CADPS2: variants seen among roughly 807,000 people sequenced by gnomAD.
CADPS2 encodes calcium dependent secretion activator 2, also known as calcium-dependent secretion activator 2.
A neutral mutation model predicts 172.5 loss-of-function variants in CADPS2; 93 were observed. The observed-to-expected ratio is 0.54, with a 90% confidence interval of 0.46 to 0.64. The LOEUF (loss-of-function observed/expected upper bound fraction) is 0.64. Ranked by LOEUF, CADPS2 falls within the 30% of genes least tolerant of loss-of-function variation. The pLI, the probability that CADPS2 is intolerant of heterozygous loss-of-function variation, is 0.00. For synonymous variants in CADPS2, 546 were observed against 555.2 expected (o/e 0.98, Z 0.23); for missense variants, 1,420 against 1,565.9 (o/e 0.91, Z 1.57).
chr7:122,396,795 C>T (rs761235914), intron 20 of CADPS2, among the ~76,000 whole-genome samples: 1 of 152,156 alleles, frequency 6.6e-6, no homozygotes, highest in Admixed American at 6.5e-5. Flanking sequence ...TCTTCTCCTG[C>T]TGACATATTT....
chr7:122,618,310 CTAGGCACTGTT>C (rs2075199061), intron 5 of CADPS2, among the ~76,000 whole-genome samples: 1 of 152,098 alleles, frequency 6.6e-6, no homozygotes, highest in African/African-American at 2.4e-5. Context: ...CAATTGTGTG[CTAGGCACTGTT>C]TAGGCACTTT....
At chr7:122,799,405 C>T (rs1290893061) in intron 1 of CADPS2, among the ~76,000 whole-genome samples, 1 of 151,896 alleles carries the variant, frequency 6.6e-6, no homozygotes, top group Non-Finnish European at 1.5e-5. Context: ...CGAGACCATC[C>T]TGGCTAACAC....
intron 1 of CADPS2, among the ~76,000 whole-genome samples, chr7:122,828,897 G>C (rs1805705526): frequency 6.6e-6 from 1 of 152,084 alleles, no homozygotes; most frequent in Non-Finnish European, 1.5e-5. Context: ...TTGAGTCTGG[G>C]GGAACAGAAT....
intron 2 of CADPS2, among the ~76,000 whole-genome samples, chr7:122,691,568 G>C (rs948522165): frequency 6.6e-6 from 1 of 152,192 alleles, no homozygotes; most frequent in African/African-American, 2.4e-5. Flanking sequence ...AAATCTGCAA[G>C]AGAACCAGAG....
At chr7:122,762,010 A>AT (rs1308071806) in intron 1 of CADPS2, among the ~76,000 whole-genome samples, 23 of 78,168 alleles carry the variant, frequency 2.9e-4, no homozygotes, top group African/African-American at 1.0e-3. Flanking sequence ...AAAAAAAAAA[A>AT]AAAATATATA....
intron 27 of CADPS2, among the ~76,000 whole-genome samples, chr7:122,349,922 C>T (rs947468007): frequency 6.6e-6 from 1 of 152,164 alleles, no homozygotes; most frequent in Admixed American, 6.5e-5. Context: ...AGCTGCTTAA[C>T]CTTCCACTGA....
chr7:122,509,509 A>G (rs1259798402), intron 9 of CADPS2, among the ~76,000 whole-genome samples: 2 of 152,214 alleles, frequency 1.3e-5, no homozygotes, highest in Non-Finnish European at 2.9e-5. Context: ...AGTGGCCTTC[A>G]TGAGCACAGG....
At chr7:122,657,067 T>G (rs1288084197) in intron 3 of CADPS2, among the ~76,000 whole-genome samples, 1 of 152,208 alleles carries the variant, frequency 6.6e-6, no homozygotes, top group African/African-American at 2.4e-5. Flanking sequence ...AAATAGGGAA[T>G]CCTTTCCCCA....
intron 11 of CADPS2, among the ~76,000 whole-genome samples, chr7:122,488,098 G>C (rs1395526247): frequency 1.3e-5 from 2 of 152,092 alleles, no homozygotes; most frequent in Non-Finnish European, 2.9e-5. Context: ...CTATGGAGAG[G>C]TAAGAAACAA....
intron 1 of CADPS2, among the ~76,000 whole-genome samples, chr7:122,839,607 A>C (rs192928433): frequency 0.016 from 2,368 of 152,310 alleles, 57 homozygotes; most frequent in African/African-American, 0.054. Context: ...ACCCCATCAA[A>C]AAGTGGGCAA....
chr7:122,821,212 C>T (rs906538379), intron 1 of CADPS2, among the ~76,000 whole-genome samples: 3 of 152,096 alleles, frequency 2.0e-5, no homozygotes, highest in African/African-American at 7.2e-5. Flanking sequence ...CTGTTCCTCA[C>T]CCTGATCATG....
intron 7 of CADPS2, among the ~76,000 whole-genome samples, chr7:122,569,948 A>T (rs1426502124): frequency 2.0e-4 from 29 of 146,984 alleles, no homozygotes; most frequent in Non-Finnish European, 3.4e-4. Flanking sequence ...AACCTAGGCA[A>T]TACCATTCAG....
intron 1 of CADPS2, among the ~76,000 whole-genome samples, chr7:122,806,583 G>T (rs142298513): frequency 6.6e-6 from 1 of 152,070 alleles, no homozygotes; most frequent in African/African-American, 2.4e-5. Context: ...ACAACAACCC[G>T]AATGATTTTA....
At chr7:122,659,767 T>TA (rs1166463590) in intron 3 of CADPS2, among the ~76,000 whole-genome samples, 1 of 151,508 alleles carries the variant, frequency 6.6e-6, no homozygotes. Flanking sequence ...AGGGGGAAAA[T>TA]AACACCTTAC....
Position 122,554,645 on chromosome 7 carries a change from T to C in CADPS2, c.1380A>G (p.Leu460=). 6.2e-7 allele frequency: 1 copy of C among 1,611,290 alleles called. No homozygotes were observed. The highest frequency in any genetic ancestry group is 8.5e-7 in the Non-Finnish European group (1 of 1,178,620). ...PTSNSSKSAE[L]HRMVVPKNSQ... ...TATTTTTTGGAACTACCATTCGGTG[T>C]AATTCAGCTGATTTGGAGCTATTAG... is the stretch of plus-strand genomic sequence containing the variant. Residue 460 remains leucine, a synonymous_variant, in exon 8 of 30, where the codon TTA becomes TTG. Transcript: ENST00000449022.
At chr7:122,690,179 C>T (rs536090100) in intron 2 of CADPS2, among the ~76,000 whole-genome samples, 1 of 152,174 alleles carries the variant, frequency 6.6e-6, no homozygotes, top group African/African-American at 2.4e-5. Flanking sequence ...AGCACGGATA[C>T]TAACCAGGGT....
intron 15 of CADPS2, among the ~76,000 whole-genome samples, chr7:122,450,575 G>T (rs1416377770): frequency 7.2e-6 from 1 of 139,700 alleles, no homozygotes; most frequent in African/African-American, 2.8e-5. Flanking sequence ...TGTCGTCCAG[G>T]CTGGAGTGCA....
At chr7:122,513,336 C>A in intron 8 of CADPS2, 21 bp from the exon 9 acceptor site, 1 of 1,506,830 alleles carries the variant, frequency 6.6e-7, no homozygotes, top group South Asian at 1.2e-5. Flanking sequence ...AAACAAAAGC[C>A]AAAGAATACT....
intron 2 of CADPS2, among the ~76,000 whole-genome samples, chr7:122,721,785 A>G (rs1232207534): frequency 6.6e-6 from 1 of 152,148 alleles, no homozygotes; most frequent in Non-Finnish European, 1.5e-5. Context: ...CGATGCAAAA[A>G]TCCTCAATAA....
Sources: gnomAD v4.1 joint callset for allele counts (sites outside exome capture counted in the v4.1 genomes callset) on GRCh38, gnomAD v4.1.1 for gene constraint, MANE v1.5 for transcripts, NCBI Gene and HGNC (gene_info 2026-07-23, HGNC 2026-07-21) for gene names.